The following INO80D variants were observed in gnomAD, a reference collection of about 807,000 sequenced individuals.
INO80D encodes INO80 complex subunit D.
Under a neutral mutation model 87.6 loss-of-function variants are expected in INO80D, and 21 were observed. The observed-to-expected ratio is 0.24, with a 90% confidence interval of 0.17 to 0.35. The LOEUF is 0.35. Ranked by LOEUF, INO80D falls within the 10% of genes least tolerant of loss-of-function variation. INO80D has a pLI of 1.00. For missense variants in INO80D, 982 were observed against 1,280.7 expected, an observed-to-expected ratio of 0.77 and a Z score of 3.56; for synonymous variants, 440 against 491.0, an observed-to-expected ratio of 0.90 and a Z score of 1.37.
At chr2:206,019,622 A>T in intron 7 of INO80D, 114 bp downstream of exon 7, 1 of 658,224 alleles carries the variant, frequency 1.5e-6, no homozygotes, top group Non-Finnish European at 2.5e-6. Context: ...AAATTATTTT[A>T]AACATTAAAC....
Position 206,004,388 on chromosome 2 carries a change from GAGA to G in INO80D, c.3061_3063del (p.Ser1021del). 1 of 1,596,906 alleles carries G rather than the reference GAGA, an allele frequency of 6.3e-7. No homozygotes were observed. Among genetic ancestry groups the G allele is most frequent in the African/African-American group, 1.3e-5 (1 of 74,766 alleles). On this transcript the variant is annotated inframe_deletion, in exon 11 of 11. Transcript: ENST00000403263. This position sits in a 1 kb window ranked among gnomAD's most constrained non-coding sequence, Gnocchi z 4.9. ...CACCCTCAGTTAGGGGAGGGAAAGGGAGAAGATGCATTATTGGTACTTGTAGCT... is the reference window on the plus strand; with the variant it reads ...CACCCTCAGTTAGGGGAGGGAAAGGGAGATGCATTATTGGTACTTGTAGCT...
At chr2:206,078,059 TACAAAAAAAAA>T (rs1690168949) in intron 1 of INO80D, among the ~76,000 whole-genome samples, 1 of 8,948 alleles carries the variant, frequency 1.1e-4, no homozygotes, top group Non-Finnish European at 2.4e-4. Context: ...TTGCAATGTT[TACAAAAAAAAA>T]AAAAAAAAAA....
intron 3 of INO80D, among the ~76,000 whole-genome samples, chr2:206,059,804 A>AT: frequency 6.6e-6 from 1 of 152,182 alleles, no homozygotes; most frequent in Non-Finnish European, 1.5e-5. Flanking sequence ...TCCCATATAT[A>AT]TCTTAAACAG....
At chr2:206,032,217 G>C (rs895358752) in intron 5 of INO80D, among the ~76,000 whole-genome samples, 3 of 152,218 alleles carry the variant, frequency 2.0e-5, no homozygotes, top group African/African-American at 7.2e-5. Context: ...CAAATCGTCT[G>C]TGCAGACTCC....
At chr2:206,007,226 C>A (rs1575792009) in intron 10 of INO80D, 58 bp downstream of exon 10, 1 of 1,479,052 alleles carries the variant, frequency 6.8e-7, no homozygotes, top group African/African-American at 1.4e-5. Context: ...AACACTATTT[C>A]TTTTCTTATA....
Position 206,003,601 on chromosome 2 carries a change from A to G in INO80D, c.*767T>C, listed in dbSNP as rs1262422302. ...AGCAGAAAAAGGTTGTGCTACTCACACGACCAGTCCACCACCCTCCCTATT... is the reference window on the plus strand; with the variant it reads ...AGCAGAAAAAGGTTGTGCTACTCACGCGACCAGTCCACCACCCTCCCTATT... On this transcript the variant is annotated 3_prime_UTR_variant, in exon 11 of 11. Coordinates refer to ENST00000403263, the MANE Select transcript of INO80D (RefSeq NM_017759.5). 6.6e-6 allele frequency: 1 copy of G among 152,258 alleles called. No homozygotes were observed. Among genetic ancestry groups the G allele is most frequent in the Non-Finnish European group, 1.5e-5 (1 of 68,082 alleles). The allele number at this position is 152,258 out of a possible 1,614,324, so 9.4% of individuals were successfully genotyped here. A position where few individuals can be genotyped will look rare whatever the true frequency, so the allele number is the denominator to read the frequency against.
rs187241437 is a variant in INO80D at position 206,020,704 on chromosome 2, A to C, written c.1299-859T>G. ...ATGCATTCACATGGATCCATAAAAA[A>C]ATGAAAGAATGCTAGGCAGTGAAGA... is the stretch of plus-strand genomic sequence containing the variant. On this transcript the variant is annotated intron_variant, in intron 6 of 10. Transcript: ENST00000403263. Among the ~76,000 whole-genome samples the C allele has an allele frequency of 8.5e-3, 1,299 of 152,302 alleles. 22 individuals are homozygous for C. The highest frequency in any genetic ancestry group is 0.012 in the Non-Finnish European group (802 of 68,022).
chr2:206,030,144 G>C lies in INO80D; in HGVS notation c.1074-1809C>G, dbSNP rs1440007797. ...GAAAACAGTAAAGTACCACAACAGA[G>C]GTCAGGGTAAGGTGTTACTGAAGTT... On this transcript the variant is annotated intron_variant, in intron 5 of 10. Coordinates refer to ENST00000403263, the MANE Select transcript of INO80D (RefSeq NM_017759.5). Among the ~76,000 whole-genome samples, 4 of 152,134 alleles carry C rather than the reference G, an allele frequency of 2.6e-5. No homozygotes were observed. In the East Asian group the frequency reaches 7.7e-4, roughly 29 times the overall value.
intron 8 of INO80D, among the ~76,000 whole-genome samples, chr2:206,016,714 G>A (rs1011778269): frequency 5.3e-5 from 8 of 152,174 alleles, no homozygotes; most frequent in Admixed American, 2.0e-4. Context: ...GGAGACGACT[G>A]AATTATGGGG....
At chr2:206,022,141 G>A (rs559932010) in intron 6 of INO80D, among the ~76,000 whole-genome samples, 66 of 151,594 alleles carry the variant, frequency 4.4e-4, no homozygotes, top group Non-Finnish European at 8.4e-4. Flanking sequence ...TGAGGCAGGC[G>A]GATCACAAGG....
In INO80D at chr2:206,000,665, A is replaced by G. The variant is rs773580071; in HGVS notation, c.*3703T>C. The G allele has an allele frequency of 2.6e-5, 4 of 152,138 alleles. No homozygotes were observed. Among genetic ancestry groups the G allele is most frequent in the Non-Finnish European group, 4.4e-5 (3 of 68,026 alleles). 9.4% of individuals were successfully genotyped at this position (152,138 alleles called of 1,614,324 possible). A position where few individuals can be genotyped will look rare whatever the true frequency, so the allele number is the denominator to read the frequency against. On this transcript the variant is annotated 3_prime_UTR_variant, in exon 11 of 11. Transcript: ENST00000403263. ...ACAAGCTCTGATAAGGAAGAGCTTT[A>G]GTGTCAGTCACAGAAAATGATGATT...
chr2:206,025,265 C>T (rs897118625), intron 6 of INO80D, among the ~76,000 whole-genome samples: 52 of 151,230 alleles, frequency 3.4e-4, no homozygotes, highest in Admixed American at 7.9e-4. Context: ...TGGTAGCTCA[C>T]GCCTGTAATC....
At chr2:206,040,455 GA>G in intron 5 of INO80D, 1 of 208,934 alleles carries the variant, frequency 4.8e-6, no homozygotes, top group South Asian at 9.5e-5. Context: ...TGAAACCTGG[GA>G]AAGTGGTGCT....
At chr2:206,052,144 A>G (rs1157354334) in intron 4 of INO80D, among the ~76,000 whole-genome samples, 1 of 152,150 alleles carries the variant, frequency 6.6e-6, no homozygotes, top group Non-Finnish European at 1.5e-5. Flanking sequence ...GACTTACACA[A>G]CTGTTTTTAT....
intron 4 of INO80D, among the ~76,000 whole-genome samples, chr2:206,048,223 A>G (rs867549270): frequency 9.9e-5 from 15 of 152,192 alleles, no homozygotes; most frequent in African/African-American, 3.6e-4. Context: ...GTTAGAAGGA[A>G]AAGTGGATAC....
chr2:206,055,528 C>A (rs967570825), intron 4 of INO80D, among the ~76,000 whole-genome samples: 3 of 152,154 alleles, frequency 2.0e-5, no homozygotes, highest in African/African-American at 7.2e-5. Flanking sequence ...ATAAGACACA[C>A]CAAGAACTTC....
chr2:206,032,884 T>G (rs185831290), intron 5 of INO80D, among the ~76,000 whole-genome samples: 8 of 152,212 alleles, frequency 5.3e-5, no homozygotes, highest in Middle Eastern at 3.4e-3. Context: ...GCATAAATTA[T>G]ACAGGACCTA....
intron 6 of INO80D, among the ~76,000 whole-genome samples, chr2:206,023,281 ACTTTTATGTAT>A (rs1343817738): frequency 2.6e-5 from 4 of 152,292 alleles, no homozygotes; most frequent in Middle Eastern, 6.8e-3. Context: ...GTAATGTCAA[ACTTTTATGTAT>A]CTTTTTTTGA....
At position 206,056,963 on chromosome 2, in the gene INO80D, A is replaced by G. The variant is rs768117533; in HGVS notation, c.219-20T>C. 3 of 1,544,868 alleles carry G rather than the reference A, an allele frequency of 1.9e-6. No homozygotes were observed. Among genetic ancestry groups the G allele is most frequent in the East Asian group, 4.5e-5 (2 of 44,086 alleles). On this transcript the variant is annotated intron_variant, in intron 3 of 10. Transcript: ENST00000403263. ...CAGTACCTTTAAAATACACACATAC[A>G]TGGGAAAACAGTCATGATACATATT... is the stretch of plus-strand genomic sequence containing the variant.
Sources: gnomAD v4.1 joint callset for allele counts (sites outside exome capture counted in the v4.1 genomes callset) on GRCh38, gnomAD v4.1.1 for gene constraint, Gnocchi (gnomAD v3.1) non-coding constraint, MANE v1.5 for transcripts, NCBI Gene and HGNC (gene_info 2026-07-23, HGNC 2026-07-21) for gene names.